The following THRB variants were observed in gnomAD, a reference collection of about 807,000 sequenced individuals.
THRB encodes the protein nuclear receptor subfamily 1 group A member 2.
A neutral mutation model predicts 47.8 loss-of-function variants in THRB; 12 were observed. The observed-to-expected ratio is 0.25, with a 90% CI of 0.16 to 0.41. THRB has a LOEUF of 0.41. Among genes scored for constraint, THRB ranks in the 10% least tolerant of loss-of-function variants. The pLI is 1.00. For missense variants in THRB, 348 were observed against 589.2 expected (o/e 0.59, Z 4.24); for synonymous variants, 218 against 212.2 (o/e 1.03, Z -0.24).
At chr3:24,494,996 G>A (rs896002486), upstream of THRB, 1 of 152,114 alleles carries the variant, frequency 6.6e-6, no homozygotes, top group Non-Finnish European at 1.5e-5. Flanking sequence ...CCGCAGCCAG[G>A]GCCGCGCCGC....
At chr3:24,169,688 A>T (rs1176654990) in intron 5 of THRB, among the ~76,000 whole-genome samples, 4 of 147,162 alleles carry the variant, frequency 2.7e-5, no homozygotes, top group African/African-American at 9.9e-5. Context: ...AATATATATT[A>T]TATATATATA....
intron 9 of THRB, among the ~76,000 whole-genome samples, chr3:24,128,889 T>TA (rs56858687): frequency 2.1e-5 from 3 of 146,298 alleles, no homozygotes; most frequent in South Asian, 2.2e-4. Context: ...TTTTTTTTTT[T>TA]ACCATGGATA....
At chr3:24,467,493 G>A (rs2074249228) in intron 1 of THRB, among the ~76,000 whole-genome samples, 1 of 152,134 alleles carries the variant, frequency 6.6e-6, no homozygotes, top group Non-Finnish European at 1.5e-5. Flanking sequence ...ATAGCCTTAA[G>A]AAATGTATTT....
chr3:24,361,523 T>C (rs970922051), intron 1 of THRB, among the ~76,000 whole-genome samples: 1 of 152,084 alleles, frequency 6.6e-6, no homozygotes, highest in Non-Finnish European at 1.5e-5. Flanking sequence ...GGAAGAAAGA[T>C]AGTCTATAAG....
At chr3:24,335,058 CA>C (rs1162184664) in intron 2 of THRB, among the ~76,000 whole-genome samples, 7 of 152,136 alleles carry the variant, frequency 4.6e-5, no homozygotes, top group Admixed American at 4.6e-4. Flanking sequence ...GGTGGTGACC[CA>C]GATGGTCTCT....
intron 4 of THRB, among the ~76,000 whole-genome samples, chr3:24,196,732 A>G (rs371948381): frequency 2.4e-4 from 37 of 152,376 alleles, no homozygotes; most frequent in African/African-American, 7.2e-4. Context: ...CAAGGAATGT[A>G]TCTCTAAAAT....
At chr3:24,137,724 A>G (rs759449008) in intron 8 of THRB, among the ~76,000 whole-genome samples, 1 of 152,154 alleles carries the variant, frequency 6.6e-6, no homozygotes, top group African/African-American at 2.4e-5. Context: ...TCTAAATGCA[A>G]TGGGGCATCT....
chr3:24,189,989 A>AC, intron 5 of THRB, 85 bp downstream of exon 5: 1 of 1,331,442 alleles, frequency 7.5e-7, no homozygotes, highest in Non-Finnish European at 1.1e-6. Flanking sequence ...TTGGAAGAGA[A>AC]ATGTAGATGA....
intron 3 of THRB, among the ~76,000 whole-genome samples, chr3:24,248,364 G>C (rs4632485): frequency 0.13 from 20,264 of 152,080 alleles, 1,559 homozygotes; most frequent in African/African-American, 0.2. Context: ...GAAAAGCCAA[G>C]AGATATTTGG....
chr3:24,334,959 C>T (rs900253450), intron 2 of THRB, among the ~76,000 whole-genome samples: 11 of 152,186 alleles, frequency 7.2e-5, no homozygotes, highest in Non-Finnish European at 1.3e-4. Flanking sequence ...ACGTTTGTCA[C>T]GTGTTTCTCA....
At chr3:24,138,885 C>T (rs2035054960) in intron 8 of THRB, among the ~76,000 whole-genome samples, 2 of 152,188 alleles carry the variant, frequency 1.3e-5, no homozygotes, top group South Asian at 4.1e-4. Flanking sequence ...CTTGGGTAGA[C>T]ATTCACCCAA....
At chr3:24,175,646 A>G (rs907594154) in intron 5 of THRB, among the ~76,000 whole-genome samples, 8 of 152,204 alleles carry the variant, frequency 5.3e-5, no homozygotes, top group African/African-American at 1.9e-4. Context: ...TTTTTTATAA[A>G]TGAACATTTG....
intron 1 of THRB, among the ~76,000 whole-genome samples, chr3:24,460,963 G>C (rs1315609530): frequency 2.0e-5 from 3 of 152,268 alleles, no homozygotes; most frequent in East Asian, 3.9e-4. Context: ...AGAAGTATAA[G>C]AGCCTCACTG....
chr3:24,470,501 A>T (rs2074481215), intron 1 of THRB, among the ~76,000 whole-genome samples: 1 of 152,226 alleles, frequency 6.6e-6, no homozygotes, highest in Non-Finnish European at 1.5e-5. Flanking sequence ...AAATAGGTTA[A>T]CATACGTAAA....
intron 1 of THRB, among the ~76,000 whole-genome samples, chr3:24,445,371 G>A (rs1440322731): frequency 6.6e-6 from 1 of 152,152 alleles, no homozygotes; most frequent in Non-Finnish European, 1.5e-5. Context: ...AAATGTGTCA[G>A]AGAGTAATAG....
chr3:24,455,836 T>C (rs1207476900), intron 1 of THRB, among the ~76,000 whole-genome samples: 1 of 152,200 alleles, frequency 6.6e-6, no homozygotes, highest in Admixed American at 6.5e-5. Flanking sequence ...AATGCATGTG[T>C]CCATGCTCAG....
chr3:24,446,052 A>C (rs76415775), intron 1 of THRB, among the ~76,000 whole-genome samples: 2,065 of 152,338 alleles, frequency 0.014, 51 homozygotes, highest in African/African-American at 0.046. Context: ...AAAATGTTAC[A>C]GCAGCTATCT....
upstream of THRB, chr3:24,495,074 C>T (rs913714741): frequency 1.2e-4 from 18 of 152,364 alleles, no homozygotes; most frequent in Non-Finnish European, 2.2e-4. Flanking sequence ...GAGTCCCCGC[C>T]TCTCCGGGTC....
intron 1 of THRB, among the ~76,000 whole-genome samples, chr3:24,474,939 A>C (rs1214929358): frequency 1.3e-5 from 2 of 152,242 alleles, no homozygotes; most frequent in Non-Finnish European, 2.9e-5. Flanking sequence ...TAATGACTTA[A>C]TATGATGAAC....
Sources: gnomAD v4.1 joint callset for allele counts (sites outside exome capture counted in the v4.1 genomes callset) on GRCh38, gnomAD v4.1.1 for gene constraint, MANE v1.5 for transcripts, NCBI Gene and HGNC (gene_info 2026-07-23, HGNC 2026-07-21) for gene names.